Variants in GGA2 observed in about 807,000 individuals in gnomAD.
GGA2 encodes the protein ADP-ribosylation factor-binding protein GGA2.
A neutral mutation model predicts 79.5 loss-of-function variants in GGA2; 48 were observed. The observed-to-expected ratio is 0.60, with a 90% CI of 0.48 to 0.77. The LOEUF (loss-of-function observed/expected upper bound fraction) is 0.77, where lower values mean the gene tolerates loss of function less well. Ranked by LOEUF, GGA2 falls within the 30% of genes least tolerant of loss-of-function variation. The probability of loss-of-function intolerance (pLI) is 0.00; values close to 1 mark genes in which losing one functional copy is unlikely to be tolerated. For missense variants in GGA2, 770 were observed against 774.0 expected (o/e 0.99, Z 0.06); for synonymous variants, 317 against 302.0 (o/e 1.05, Z -0.51).
At chr16:23,488,101 G>C (rs574365600) in intron 6 of GGA2, among the ~76,000 whole-genome samples, 2 of 152,000 alleles carry the variant, frequency 1.3e-5, no homozygotes, top group Non-Finnish European at 2.9e-5. Flanking sequence ...GGATAGGGCC[G>C]GGCTCACTGG....
At chr16:23,471,466 TAAAC>T (rs974681656) in intron 14 of GGA2, among the ~76,000 whole-genome samples, 11 of 151,884 alleles carry the variant, frequency 7.2e-5, no homozygotes, top group African/African-American at 2.7e-4. Flanking sequence ...TAAAGTGACA[TAAAC>T]AAAACGTGTG....
intron 1 of GGA2, chr16:23,501,112 A>G (rs1017460073): frequency 1.5e-5 from 6 of 392,536 alleles, no homozygotes; most frequent in African/African-American, 1.3e-4. Context: ...CCACTTTCAC[A>G]AGAGAAGGTT....
Position 23,464,994 on chromosome 16 carries a change from CACGAAA to C in GGA2, c.*2590_*2595del. On this transcript the variant is annotated 3_prime_UTR_variant, in exon 17 of 17. Transcript: ENST00000309859. ...AAAAAGAGCAGTCACGGAGGTAGGT[CACGAAA>C]TGGGTCAACAGGACCCCCGAAGAGT... 3.4e-6 allele frequency: 1 copy of C among 296,966 alleles called. No individual in the cohort carries two copies. Among genetic ancestry groups the C allele is most frequent in the Non-Finnish European group, 6.3e-6 (1 of 157,672 alleles). 18.4% of individuals were successfully genotyped at this position (296,966 alleles called of 1,614,324 possible). A position where few individuals can be genotyped will look rare whatever the true frequency, so the allele number is the denominator to read the frequency against.
chr16:23,508,941 C>G (rs1007368113), intron 1 of GGA2, among the ~76,000 whole-genome samples: 10 of 152,178 alleles, frequency 6.6e-5, no homozygotes, highest in Non-Finnish European at 2.9e-5. Flanking sequence ...TGTCCCCTGT[C>G]TGCATTCCAA....
rs545357423 is a variant in GGA2 at position 23,481,835 on chromosome 16, G to A, written c.881-1065C>T. 9.1e-4 allele frequency among the ~76,000 whole-genome samples: 139 copies of A among 152,308 alleles called. 1 individual carries two copies. The highest frequency in any genetic ancestry group is 3.2e-3 in the African/African-American group (135 of 41,572). ...CACATGCTATCCACTAAGAGAGACAGAAGAAATATAAACCAATTATATGGC... is the reference window on the plus strand; with the variant it reads ...CACATGCTATCCACTAAGAGAGACAAAAGAAATATAAACCAATTATATGGC... On this transcript the variant is annotated intron_variant, in intron 9 of 16. Coordinates refer to ENST00000309859, the MANE Select transcript of GGA2 (RefSeq NM_015044.4).
At chr16:23,522,562 A>G (rs886051825), upstream of GGA2, 13 of 152,210 alleles carry the variant, frequency 8.5e-5, no homozygotes, top group African/African-American at 3.1e-4. Flanking sequence ...TTTGCAACCA[A>G]CGAACTTAAT....
chr16:23,468,183 A>G (rs914446948), intron 16 of GGA2, among the ~76,000 whole-genome samples: 2 of 150,866 alleles, frequency 1.3e-5, no homozygotes, highest in African/African-American at 2.4e-5. Flanking sequence ...CTGTCTGTCT[A>G]TCTATCTATC....
intron 6 of GGA2, among the ~76,000 whole-genome samples, chr16:23,487,765 C>A (rs1292039189): frequency 6.6e-6 from 1 of 152,092 alleles, no homozygotes; most frequent in Non-Finnish European, 1.5e-5. Context: ...CCTAGACTAG[C>A]CTTGCTCATT....
Position 23,478,868 on chromosome 16 carries a change from G to T in GGA2, c.1158+15C>A. The T allele has an allele frequency of 6.3e-7, 1 of 1,586,698 alleles. No homozygotes were observed. Among genetic ancestry groups the T allele is most frequent in the Non-Finnish European group, 8.7e-7 (1 of 1,156,034 alleles). The stretch of plus-strand genomic sequence containing the variant: ...CTCCCATTCTCTCTCCGGGCCCTGG[G>T]AAGGGCATCCTTACCATGCCTGTAA... On this transcript the variant is annotated intron_variant, in intron 12 of 16. Transcript: ENST00000309859.
chr16:23,516,156 C>T (rs750913890), intron 2 of GGA2, among the ~76,000 whole-genome samples: 7 of 151,698 alleles, frequency 4.6e-5, no homozygotes, highest in Non-Finnish European at 8.8e-5. Context: ...TACAGGCACA[C>T]GCCACCATGC....
rs760076518 is a variant in GGA2 at position 23,494,373 on chromosome 16, G to A, written c.182C>T (p.Thr61Ile). 2 of 1,609,392 alleles carry A rather than the reference G, an allele frequency of 1.2e-6. No homozygotes were observed. Among genetic ancestry groups the A allele is most frequent in the Admixed American group, 1.7e-5 (1 of 60,032 alleles). The change falls in exon 3 of 17, where the codon ACA (threonine) becomes ATA (isoleucine). Residue 61 changes from threonine (T) to isoleucine (I), a missense_variant. Coordinates refer to ENST00000309859, the MANE Select transcript of GGA2 (RefSeq NM_015044.4). ...GTGGGCCAGTAGCCAGGGCGCATGTGTGGGGCTACAGGGAAACAAAAAGAC... is the reference window on the plus strand; with the variant it reads ...GTGGGCCAGTAGCCAGGGCGCATGTATGGGGCTACAGGGAAACAAAAAGAC... ...EQVNTDPNGP[T>I]HAPWLLAHKI...
At position 23,468,896 on chromosome 16, in the gene GGA2, T is replaced by C. The variant is rs747635091; in HGVS notation, c.1721A>G (p.Asn574Ser). ...GACACTGGAACATACTTTGTGTGGA[T>C]TGTCAAGCAGCAGCATCTGAGATAT... ...AVISQMLLLD[N>S]PHKEPIRLRY... The change falls in exon 16 of 17, where the codon AAT (asparagine) becomes AGT (serine). Residue 574 changes from asparagine to serine, a missense_variant. Asn to Ser is a conservative substitution (Grantham distance 46). Coordinates refer to ENST00000309859, the MANE Select transcript of GGA2 (RefSeq NM_015044.4). 10 of 1,597,754 alleles carry C rather than the reference T, an allele frequency of 6.3e-6. No individual in the cohort carries two copies. The East Asian group carries it at 1.1e-4, about 18-fold the overall frequency.
At chr16:23,514,467 A>G (rs950953526), upstream of GGA2, among the ~76,000 whole-genome samples, 1 of 150,252 alleles carries the variant, frequency 6.7e-6, no homozygotes, top group Non-Finnish European at 1.5e-5. Context: ...TTTTTTTTTG[A>G]GACAGGGTCT....
chr16:23,483,638 ATTGT>A (rs775405675), intron 8 of GGA2, among the ~76,000 whole-genome samples: 3 of 151,506 alleles, frequency 2.0e-5, no homozygotes, highest in Admixed American at 2.0e-4. Context: ...TTTCTTTTTG[ATTGT>A]TTGTTTTTTT....
chr16:23,510,444 C>T lies in GGA2; in HGVS notation c.-33G>A, dbSNP rs1567372114. On this transcript the variant is annotated 5_prime_UTR_variant, in exon 1 of 17. Transcript: ENST00000309859. ...GCCCCGACGCTGCGGCCGCGGGCGC[C>T]ACTGCCTCTTCAGCCGCTGTAGCGT... 1 of 883,594 alleles carries T rather than the reference C, an allele frequency of 1.1e-6. No homozygotes were observed. The allele number at this position is 883,594 out of a possible 1,614,324, so 54.7% of individuals were successfully genotyped here.
chr16:23,504,426 G>C (rs1964952682), intron 1 of GGA2, among the ~76,000 whole-genome samples: 2 of 152,212 alleles, frequency 1.3e-5, no homozygotes, highest in Non-Finnish European at 2.9e-5. Flanking sequence ...GTTGCTGGCA[G>C]GTATCTACTG....
chr16:23,505,297 G>A (rs1208125271), intron 1 of GGA2, among the ~76,000 whole-genome samples: 3 of 152,104 alleles, frequency 2.0e-5, no homozygotes, highest in African/African-American at 4.8e-5. Context: ...CCCTGGTAGC[G>A]CTACCAGAGC....
chr16:23,490,753 A>G (rs1438756092), intron 5 of GGA2, among the ~76,000 whole-genome samples: 5 of 151,836 alleles, frequency 3.3e-5, no homozygotes, highest in Non-Finnish European at 7.4e-5. Context: ...AAAAAAAAAA[A>G]GAAGTAAATA....
intron 1 of GGA2, chr16:23,501,277 T>C: frequency 2.2e-6 from 1 of 456,464 alleles, no homozygotes; most frequent in Admixed American, 2.4e-5. Flanking sequence ...CTCTGTGTCC[T>C]ACTAATTGGA....
Sources: allele counts gnomAD v4.1 joint callset (sites outside exome capture counted in the v4.1 genomes callset), GRCh38; gene constraint gnomAD v4.1.1; transcripts MANE v1.5; gene names NCBI Gene and HGNC (gene_info 2026-07-23, HGNC 2026-07-21).